The following GRIA1 variants were observed in gnomAD, a reference collection of about 807,000 sequenced individuals.
The protein encoded by GRIA1 is glutamate receptor 1.
Under a neutral mutation model 99.2 loss-of-function variants are expected in GRIA1, and 31 were observed. The observed-to-expected ratio is 0.31, with a 90% CI of 0.23 to 0.42. The LOEUF is 0.42. GRIA1 is among the 10% of genes least tolerant of loss of function. The probability of loss-of-function intolerance (pLI) is 1.00; values close to 1 mark genes in which losing one functional copy is unlikely to be tolerated. For missense variants in GRIA1, 782 were observed against 1,157.5 expected (o/e 0.68, Z 4.71); for synonymous variants, 438 against 432.4 (o/e 1.01, Z -0.16).
At chr5:153,556,722 T>C (rs1462868375) in intron 2 of GRIA1, among the ~76,000 whole-genome samples, 1 of 152,226 alleles carries the variant, frequency 6.6e-6, no homozygotes, top group Non-Finnish European at 1.5e-5. Flanking sequence ...CAAGGATCTC[T>C]CACCTGAAGT....
intron 2 of GRIA1, among the ~76,000 whole-genome samples, chr5:153,628,120 A>G (rs1417826051): frequency 2.0e-5 from 3 of 152,214 alleles, no homozygotes; most frequent in Non-Finnish European, 4.4e-5. Context: ...AAGTGTGCTA[A>G]TAGCAATACA....
At chr5:153,705,587 TCC>T in intron 10 of GRIA1, 108 bp from the exon 11 acceptor site, 2 of 1,362,988 alleles carry the variant, frequency 1.5e-6, no homozygotes, top group Admixed American at 6.2e-5. Flanking sequence ...CACTCTCATA[TCC>T]TTTAAGACAC....
chr5:153,633,547 A>C (rs1753126205), intron 2 of GRIA1, among the ~76,000 whole-genome samples: 1 of 152,206 alleles, frequency 6.6e-6, no homozygotes, highest in Non-Finnish European at 1.5e-5. Flanking sequence ...CAGTGGTTGA[A>C]ATTGTCCAGG....
At chr5:153,601,239 C>CA (rs1764929267) in intron 2 of GRIA1, among the ~76,000 whole-genome samples, 1 of 152,268 alleles carries the variant, frequency 6.6e-6, no homozygotes, top group Admixed American at 6.5e-5. Context: ...GCCAAAACCT[C>CA]AAAGAGTTTG....
intron 2 of GRIA1, among the ~76,000 whole-genome samples, chr5:153,548,696 T>C (rs1171550215): frequency 6.6e-6 from 1 of 152,214 alleles, no homozygotes; most frequent in Non-Finnish European, 1.5e-5. Flanking sequence ...CATGGGAAAC[T>C]ATAAAATGTG....
intron 3 of GRIA1, among the ~76,000 whole-genome samples, chr5:153,648,745 G>A (rs531321703): frequency 6.6e-6 from 1 of 152,130 alleles, no homozygotes; most frequent in East Asian, 1.9e-4. Context: ...TGTGGAAGAG[G>A]TTAACTGTGT....
chr5:153,728,375 T>G (rs1402881998), intron 11 of GRIA1, among the ~76,000 whole-genome samples: 1 of 147,304 alleles, frequency 6.8e-6, no homozygotes, highest in Non-Finnish European at 1.5e-5. Context: ...AAGCCAAAAT[T>G]GACAAATGGG....
intron 13 of GRIA1, among the ~76,000 whole-genome samples, chr5:153,784,548 A>G (rs1395596906): frequency 6.6e-6 from 1 of 152,148 alleles, no homozygotes; most frequent in Admixed American, 6.5e-5. Context: ...AGAGGGGAAC[A>G]CCATCTGGAA....
chr5:153,614,351 T>C (rs1255666252), intron 2 of GRIA1, among the ~76,000 whole-genome samples: 1 of 152,218 alleles, frequency 6.6e-6, no homozygotes, highest in Non-Finnish European at 1.5e-5. Context: ...GTGACAATAG[T>C]TAGCAATCAT....
At chr5:153,527,479 A>C (rs1362177671) in intron 2 of GRIA1, among the ~76,000 whole-genome samples, 1 of 152,170 alleles carries the variant, frequency 6.6e-6, no homozygotes, top group African/African-American at 2.4e-5. Flanking sequence ...TGGATTAAGG[A>C]ATATCTAAAA....
rs181074550 is a variant in GRIA1 at position 153,699,654 on chromosome 5, G to A, written c.1452+581G>A. ...ATAGGTATGAATGTGCCTTTTAATT[G>A]TTCTCGCCTTCCCCTATAGAATTTA... On this transcript the variant is annotated intron_variant, in intron 10 of 15. Coordinates refer to ENST00000285900, the MANE Select transcript of GRIA1 (RefSeq NM_000827.4). Among the ~76,000 whole-genome samples, 436 of 151,862 alleles carry A rather than the reference G, an allele frequency of 2.9e-3. 3 individuals are homozygous for A. Among genetic ancestry groups the A allele is most frequent in the Non-Finnish European group, 2.4e-3 (162 of 67,912 alleles).
At chr5:153,580,636 T>C (rs1377049986) in intron 2 of GRIA1, among the ~76,000 whole-genome samples, 1 of 152,204 alleles carries the variant, frequency 6.6e-6, no homozygotes, top group Non-Finnish European at 1.5e-5. Flanking sequence ...GAAGATACTT[T>C]GTATTTTGTA....
chr5:153,769,638 T>G (rs1763744181), intron 12 of GRIA1, among the ~76,000 whole-genome samples: 1 of 151,796 alleles, frequency 6.6e-6, no homozygotes, highest in Non-Finnish European at 1.5e-5. Flanking sequence ...TATATTTGAT[T>G]GGTGCAAAAG....
chr5:153,641,579 G>T (rs1753781371), intron 2 of GRIA1, among the ~76,000 whole-genome samples: 1 of 152,146 alleles, frequency 6.6e-6, no homozygotes, highest in African/African-American at 2.4e-5. Flanking sequence ...AGAGTTTCTT[G>T]GAGGCAGGGC....
At chr5:153,640,918 T>TGGGATGA (rs1207627381) in intron 2 of GRIA1, among the ~76,000 whole-genome samples, 25 of 152,282 alleles carry the variant, frequency 1.6e-4, no homozygotes, top group African/African-American at 5.5e-4. Flanking sequence ...TTTAAGGGCT[T>TGGGATGA]TGGGATGATT....
intron 2 of GRIA1, among the ~76,000 whole-genome samples, chr5:153,636,594 T>G (rs1205364708): frequency 6.6e-6 from 1 of 152,232 alleles, no homozygotes; most frequent in Non-Finnish European, 1.5e-5. Flanking sequence ...AGAAAAAGTT[T>G]GCCTATACCT....
chr5:153,733,892 T>C (rs1395055971), intron 11 of GRIA1, among the ~76,000 whole-genome samples: 2 of 151,942 alleles, frequency 1.3e-5, no homozygotes, highest in Non-Finnish European at 2.9e-5. Flanking sequence ...AAGGAAGAAA[T>C]AGCAATATAA....
chr5:153,735,037 T>TAC lies in GRIA1; in HGVS notation c.1823+28972_1823+28973dup, dbSNP rs1289278965. ...ATGGGAGCTACTGGTGTCTAATGGG[T>TAC]ACAGGCTAGTGATATTGTTAAACAC... is the stretch of plus-strand genomic sequence containing the variant. On this transcript the variant is annotated intron_variant, in intron 11 of 15. Transcript: ENST00000285900. Among the ~76,000 whole-genome samples, 5 of 152,254 alleles carry TAC rather than the reference T, an allele frequency of 3.3e-5. No homozygotes were observed. The South Asian group carries it at 1.0e-3, about 32-fold the overall frequency.
At chr5:153,602,705 G>C (rs1184185905) in intron 2 of GRIA1, among the ~76,000 whole-genome samples, 1 of 152,070 alleles carries the variant, frequency 6.6e-6, no homozygotes, top group Non-Finnish European at 1.5e-5. Context: ...CTTTACCCCA[G>C]TACCTCCTAC....
Sources: gnomAD v4.1 joint callset for allele counts (sites outside exome capture counted in the v4.1 genomes callset) on GRCh38, gnomAD v4.1.1 for gene constraint, MANE v1.5 for transcripts, NCBI Gene and HGNC (gene_info 2026-07-23, HGNC 2026-07-21) for gene names.